Variants in RGS22 observed in about 807,000 individuals in gnomAD.
RGS22 encodes regulator of G protein signaling 22, also known as regulator of G-protein signaling 22.
A neutral mutation model predicts 172.9 loss-of-function variants in RGS22; 148 were observed. The ratio of observed to expected loss-of-function variants is 0.86; its 90% confidence interval spans 0.75 to 0.98. The LOEUF is 0.98. RGS22 is among the 50% of genes least tolerant of loss of function. The pLI, the probability that RGS22 is intolerant of heterozygous loss-of-function variation, is 0.00. For missense variants in RGS22, 1,347 were observed against 1,440.8 expected, an observed-to-expected ratio of 0.93 and a Z score of 1.05; for synonymous variants, 458 against 480.2, an observed-to-expected ratio of 0.95 and a Z score of 0.60.
chr8:100,008,465 G>A lies in RGS22; in HGVS notation c.2271C>T (p.Asp757=), dbSNP rs763009403. ...TATATTCCTCTGCTGTGTCAAAAAG[G>A]TCTTCAAATGGTGGCTGTATTTTCA... ...IYMKIQPPFE[D]LFDTAEEYIL... The change falls in exon 15 of 28, where the codon GAC becomes GAT. Residue 757 remains aspartate, a synonymous_variant. Transcript: ENST00000360863. The A allele has an allele frequency of 6.1e-5, 99 of 1,613,656 alleles. No homozygotes were observed. The East Asian group carries it at 2.2e-3, about 36-fold the overall frequency.
chr8:99,996,568 G>A, intron 19 of RGS22, 38 bp from the exon 20 acceptor site: 1 of 1,515,456 alleles, frequency 6.6e-7, no homozygotes, highest in Non-Finnish European at 9.1e-7. Context: ...CAGTTATTCA[G>A]ACTAAAGGCT....
intron 2 of RGS22, among the ~76,000 whole-genome samples, chr8:100,100,303 T>TTC (rs1813368576): frequency 2.0e-5 from 3 of 151,716 alleles, no homozygotes; most frequent in Admixed American, 2.0e-4. Flanking sequence ...TTTTTTTTTT[T>TTC]TTTTGAGACG....
At position 100,052,976 on chromosome 8, in the gene RGS22, CCT is replaced by C. The variant is rs1474399408; in HGVS notation, c.1515-2_1515-1del. ...AATGAGTAACACAGAATCTTGGTGC[CCT>C]GTTTATTGGAAAAATAAATGTAAGA... On this transcript the variant is annotated splice_acceptor_variant, in intron 9 of 27. Transcript: ENST00000360863. LOFTEE classifies it high-confidence loss of function. 4.3e-6 allele frequency: 7 copies of C among 1,612,644 alleles called. No homozygotes were observed. The highest frequency in any genetic ancestry group is 1.1e-5 in the South Asian group (1 of 90,774).
intron 10 of RGS22, among the ~76,000 whole-genome samples, chr8:100,052,065 T>TAA (rs1821634702): frequency 5.1e-5 from 5 of 97,624 alleles, no homozygotes; most frequent in Admixed American, 1.5e-4. Flanking sequence ...ATTTATATAT[T>TAA]TATATATAAA....
chr8:100,020,279 AAG>A (rs1407481890), intron 14 of RGS22, among the ~76,000 whole-genome samples: 1 of 152,188 alleles, frequency 6.6e-6, no homozygotes, highest in Non-Finnish European at 1.5e-5. Context: ...CGCTAGGAAA[AAG>A]AGATATTCCA....
At chr8:99,963,102 A>C (rs1431034866) in intron 24 of RGS22, 124 bp from the exon 25 acceptor site, 35 of 713,734 alleles carry the variant, frequency 4.9e-5, no homozygotes, top group Non-Finnish European at 7.1e-5. Flanking sequence ...ACATAAAGAA[A>C]AGTGCACATC....
chr8:99,968,016 C>T (rs1242306880), intron 23 of RGS22, among the ~76,000 whole-genome samples: 1 of 152,188 alleles, frequency 6.6e-6, no homozygotes, highest in Non-Finnish European at 1.5e-5. Context: ...CCCTCTGGGA[C>T]AAAGCTTCCA....
At chr8:100,059,899 T>A (rs1026356379) in intron 9 of RGS22, among the ~76,000 whole-genome samples, 30 of 152,184 alleles carry the variant, frequency 2.0e-4, no homozygotes, top group Admixed American at 6.5e-5. Context: ...AAAAATGGTT[T>A]TAATAAAATA....
intron 2 of RGS22, among the ~76,000 whole-genome samples, chr8:100,094,649 C>A (rs1321876149): frequency 2.0e-5 from 3 of 152,170 alleles, no homozygotes; most frequent in African/African-American, 7.2e-5. Context: ...AGTAGTAGTA[C>A]CTTAGTAGCA....
intron 5 of RGS22, among the ~76,000 whole-genome samples, chr8:100,071,796 A>G (rs921347429): frequency 6.6e-6 from 1 of 152,236 alleles, no homozygotes; most frequent in Non-Finnish European, 1.5e-5. Context: ...GTCAGGGAAC[A>G]TAAAGGAAAA....
intron 11 of RGS22, among the ~76,000 whole-genome samples, chr8:100,043,000 A>G (rs572885996): frequency 6.6e-6 from 1 of 152,168 alleles, no homozygotes; most frequent in African/African-American, 2.4e-5. Context: ...TGAAAGCCTG[A>G]TATTAGGAGC....
At chr8:100,069,411 G>A (rs577852309) in intron 6 of RGS22, among the ~76,000 whole-genome samples, 41 of 152,306 alleles carry the variant, frequency 2.7e-4, no homozygotes, top group Middle Eastern at 3.4e-3. Flanking sequence ...CCAGAGATAA[G>A]ATCTAACAAT....
chr8:99,965,280 C>A, intron 24 of RGS22, 55 bp downstream of exon 24: 1 of 1,165,126 alleles, frequency 8.6e-7, no homozygotes, highest in Non-Finnish European at 1.3e-6. Context: ...TTACTGCATT[C>A]CACTATCCAA....
Position 99,982,092 on chromosome 8 carries a change from C to A in RGS22, c.3205G>T (p.Glu1069Ter). The change falls in exon 22 of 28, where the codon GAG becomes TAG. Residue 1069 changes from glutamate to a stop codon, truncating the protein, a stop_gained. Transcript: ENST00000360863. LOFTEE classifies it high-confidence loss of function. ...YKDLCHSHCD[E>*]SVIQKKITTI... is the part of the protein sequence containing the mutation. ...GTAATCTTCTTCTGGATGACAGACT[C>A]ATCACAATGAGAATGGCACAAGTCC... The A allele has an allele frequency of 6.2e-7, 1 of 1,612,878 alleles. No homozygotes were observed. The highest frequency in any genetic ancestry group is 1.1e-5 in the South Asian group (1 of 90,886).
chr8:100,041,833 T>C lies in RGS22; in HGVS notation c.1907A>G (p.Asp636Gly), dbSNP rs1820163854. 1 of 1,612,508 alleles carries C rather than the reference T, an allele frequency of 6.2e-7. No homozygotes were observed. The highest frequency in any genetic ancestry group is 1.3e-5 in the African/African-American group (1 of 74,904). Residue 636 changes from aspartate to glycine, a missense_variant, in exon 12 of 28, where the codon GAT becomes GGT. Transcript: ENST00000360863. ...DISECLKPQL[D>G]RRYAYTEEPR... ...TTCTTCTGTATAAGCGTATCTTCTA[T>C]CCAGCTGGGGCTTGAGACATTCAGA...
chr8:100,068,767 AC>A, intron 6 of RGS22, among the ~76,000 whole-genome samples: 1 of 152,100 alleles, frequency 6.6e-6, no homozygotes, highest in Non-Finnish European at 1.5e-5. Context: ...CCCCGTCTCT[AC>A]AAAAAATATA....
At chr8:99,963,452 A>G (rs1185393233) in intron 24 of RGS22, among the ~76,000 whole-genome samples, 1 of 152,124 alleles carries the variant, frequency 6.6e-6, no homozygotes, top group Non-Finnish European at 1.5e-5. Context: ...ATTCAATTTG[A>G]CTGTAAATCA....
chr8:100,043,178 A>G (rs995482827), intron 11 of RGS22, among the ~76,000 whole-genome samples: 1 of 152,162 alleles, frequency 6.6e-6, no homozygotes, highest in African/African-American at 2.4e-5. Flanking sequence ...GGTTTCTGGT[A>G]TTTACAGCTG....
At chr8:100,099,482 A>T (rs972122026) in intron 2 of RGS22, among the ~76,000 whole-genome samples, 3 of 152,180 alleles carry the variant, frequency 2.0e-5, no homozygotes, top group African/African-American at 4.8e-5. Flanking sequence ...CTTAAACTAT[A>T]AACTGCTTAT....
Sources: gnomAD v4.1 joint callset for allele counts (sites outside exome capture counted in the v4.1 genomes callset) on GRCh38, gnomAD v4.1.1 for gene constraint, MANE v1.5 for transcripts, NCBI Gene and HGNC (gene_info 2026-07-23, HGNC 2026-07-21) for gene names.